Variants in RALGPS1 observed in about 807,000 individuals in gnomAD.
RALGPS1 encodes ras-specific guanine nucleotide-releasing factor RalGPS1.
RALGPS1 carries 19 observed loss-of-function variants against 78.8 expected under a neutral mutation model. That is an observed-to-expected ratio of 0.24 (90% CI 0.17 to 0.35). RALGPS1 has a LOEUF of 0.35. RALGPS1 is among the 10% of genes least tolerant of loss of function. The probability of loss-of-function intolerance (pLI) is 1.00; values close to 1 mark genes in which losing one functional copy is unlikely to be tolerated. For synonymous variants in RALGPS1, 228 were observed against 256.3 expected, an observed-to-expected ratio of 0.89 and a Z score of 1.06; for missense variants, 454 against 688.3, an observed-to-expected ratio of 0.66 and a Z score of 3.81.
At chr9:127,079,131 A>G (rs1418408970) in intron 8 of RALGPS1, among the ~76,000 whole-genome samples, 1 of 152,232 alleles carries the variant, frequency 6.6e-6, no homozygotes, top group Non-Finnish European at 1.5e-5. Flanking sequence ...ACACCTGAGA[A>G]GGAAAGTACT....
chr9:127,206,474 C>G (rs1170638943), intron 14 of RALGPS1, among the ~76,000 whole-genome samples: 1 of 151,974 alleles, frequency 6.6e-6, no homozygotes, highest in East Asian at 1.9e-4. Flanking sequence ...GGGAAGAGCC[C>G]CTTAGAAAAC....
At chr9:127,129,109 A>G (rs558401857) in intron 8 of RALGPS1, among the ~76,000 whole-genome samples, 1 of 152,200 alleles carries the variant, frequency 6.6e-6, no homozygotes, top group South Asian at 2.1e-4. Context: ...CCCAAAGACA[A>G]TTTGCTGAGA....
At chr9:126,935,143 G>A (rs752593) in intron 1 of RALGPS1, among the ~76,000 whole-genome samples, 26,465 of 152,130 alleles carry the variant, frequency 0.17, 3,039 homozygotes, top group East Asian at 0.44. Flanking sequence ...AAACCCTCAT[G>A]ACACTGTGGC....
intron 8 of RALGPS1, among the ~76,000 whole-genome samples, chr9:127,147,809 CGTTA>C (rs1467481612): frequency 6.6e-6 from 1 of 152,132 alleles, no homozygotes; most frequent in Non-Finnish European, 1.5e-5. Flanking sequence ...TGCTAATAGA[CGTTA>C]GTCACTGGTG....
intron 4 of RALGPS1, among the ~76,000 whole-genome samples, chr9:126,999,856 A>G (rs933736829): frequency 6.6e-6 from 1 of 152,246 alleles, no homozygotes; most frequent in Non-Finnish European, 1.5e-5. Context: ...AGTGATAGCT[A>G]GATCATTGTG....
At chr9:127,166,235 A>G (rs777551447) in intron 9 of RALGPS1, 29 bp downstream of exon 9, 1 of 1,608,684 alleles carries the variant, frequency 6.2e-7, no homozygotes, top group Non-Finnish European at 8.5e-7. Flanking sequence ...AGAATTGTGA[A>G]ATCTTACGTC....
At chr9:126,961,169 A>T (rs2132102608) in intron 1 of RALGPS1, among the ~76,000 whole-genome samples, 1 of 152,296 alleles carries the variant, frequency 6.6e-6, no homozygotes, top group East Asian at 1.9e-4. Context: ...CACTTGGGTG[A>T]CAGAACAGCT....
chr9:127,089,143 A>G (rs374830288), intron 8 of RALGPS1: 1 of 1,614,104 alleles, frequency 6.2e-7, no homozygotes, highest in Non-Finnish European at 8.5e-7. Context: ...AGTTTCCTGC[A>G]AGAGAGAAGG....
intron 5 of RALGPS1, among the ~76,000 whole-genome samples, chr9:127,047,455 T>G (rs59816673): frequency 0.053 from 7,997 of 152,148 alleles, 703 homozygotes; most frequent in African/African-American, 0.18. Context: ...TCCCAGCACT[T>G]TGGGAGGCCG....
chr9:127,011,338 C>G (rs867467185), intron 4 of RALGPS1, among the ~76,000 whole-genome samples: 2 of 152,028 alleles, frequency 1.3e-5, no homozygotes, highest in Non-Finnish European at 2.9e-5. Flanking sequence ...CCACCATGCC[C>G]GGCTAATTTT....
At chr9:127,118,047 A>G (rs1286650048) in intron 8 of RALGPS1, among the ~76,000 whole-genome samples, 1 of 152,168 alleles carries the variant, frequency 6.6e-6, no homozygotes, top group East Asian at 1.9e-4. Context: ...CTGGCTCCCC[A>G]CACCCAACAT....
chr9:127,017,241 A>G (rs2044929818), intron 4 of RALGPS1, among the ~76,000 whole-genome samples: 1 of 152,250 alleles, frequency 6.6e-6, no homozygotes, highest in South Asian at 2.1e-4. Flanking sequence ...ATAGCCTACT[A>G]TACATTTAGG....
chr9:127,069,408 A>G (rs776293250), intron 8 of RALGPS1, 52 bp downstream of exon 8: 7 of 1,592,950 alleles, frequency 4.4e-6, no homozygotes, highest in Admixed American at 1.8e-5. Flanking sequence ...TCGGTGCCAA[A>G]TAAGATGTTT....
intron 11 of RALGPS1, among the ~76,000 whole-genome samples, chr9:127,182,312 ACCTTCCTTCCTTCCTTCCTG>A (rs1354558529): frequency 7.0e-4 from 101 of 143,432 alleles, no homozygotes; most frequent in Non-Finnish European, 8.8e-4. Context: ...CTACCTACCT[ACCTTCCTTCCTTCCTTCCTG>A]CCTTCCTTCC....
chr9:126,984,770 A>G lies in RALGPS1; in HGVS notation c.216+7025A>G, dbSNP rs373524181. On this transcript the variant is annotated intron_variant, in intron 4 of 18. Transcript: ENST00000259351. ...CACTTCCCTGCTTTTTGGCCCAACAAGATCCCCAGGGTTATGTTGTATATT... is the reference window on the plus strand; with the variant it reads ...CACTTCCCTGCTTTTTGGCCCAACAGGATCCCCAGGGTTATGTTGTATATT... 1.3e-4 allele frequency among the ~76,000 whole-genome samples: 20 copies of G among 152,318 alleles called. No individual in the cohort carries two copies. The East Asian group carries it at 2.5e-3, about 19-fold the overall frequency.
intron 8 of RALGPS1, among the ~76,000 whole-genome samples, chr9:127,087,053 C>T (rs1047745805): frequency 1.2e-4 from 18 of 152,154 alleles, no homozygotes; most frequent in African/African-American, 3.6e-4. Flanking sequence ...AAGAAAGGTA[C>T]GTCAGGTGTT....
At chr9:127,106,690 T>G (rs140475424) in intron 8 of RALGPS1, among the ~76,000 whole-genome samples, 73 of 152,326 alleles carry the variant, frequency 4.8e-4, no homozygotes, top group African/African-American at 1.7e-3. Context: ...CTGCAGTGGA[T>G]GCTCACTTTG....
At chr9:127,025,645 C>G (rs1017244916) in intron 4 of RALGPS1, among the ~76,000 whole-genome samples, 1 of 152,078 alleles carries the variant, frequency 6.6e-6, no homozygotes, top group African/African-American at 2.4e-5. Flanking sequence ...CCTGTGTTTA[C>G]TTGCCATCCA....
At chr9:126,963,339 A>G (rs2039097045) in intron 2 of RALGPS1, among the ~76,000 whole-genome samples, 1 of 152,076 alleles carries the variant, frequency 6.6e-6, no homozygotes, top group African/African-American at 2.4e-5. Context: ...CTGTATGTGT[A>G]TATATGTATA....
Sources: gnomAD v4.1 joint callset for allele counts (sites outside exome capture counted in the v4.1 genomes callset) on GRCh38, gnomAD v4.1.1 for gene constraint, MANE v1.5 for transcripts, NCBI Gene and HGNC (gene_info 2026-07-23, HGNC 2026-07-21) for gene names.